Variants in RNF180 observed in about 807,000 individuals in gnomAD.
RNF180 encodes ring finger protein 180.
Under a neutral mutation model 59.2 loss-of-function variants are expected in RNF180, and 38 were observed. The observed-to-expected ratio is 0.64, with a 90% CI of 0.50 to 0.84. The LOEUF is 0.84. Among genes scored for constraint, RNF180 ranks in the 40% least tolerant of loss-of-function variants. RNF180 has a pLI of 0.00. For missense variants in RNF180, 705 were observed against 700.9 expected (o/e 1.01, Z -0.07); for synonymous variants, 262 against 240.3 (o/e 1.09, Z -0.84).
At chr5:64,269,107 A>T (rs1744857570) in intron 5 of RNF180, among the ~76,000 whole-genome samples, 1 of 152,168 alleles carries the variant, frequency 6.6e-6, no homozygotes, top group African/African-American at 2.4e-5. Flanking sequence ...CCTTTGAGGA[A>T]TGATTTCAAA....
At chr5:64,321,608 A>T (rs539725571) in intron 5 of RNF180, among the ~76,000 whole-genome samples, 1 of 152,280 alleles carries the variant, frequency 6.6e-6, no homozygotes, top group African/African-American at 2.4e-5. Context: ...TAATTTATAG[A>T]TTCAATGCTA....
intron 5 of RNF180, among the ~76,000 whole-genome samples, chr5:64,240,707 G>A (rs974011795): frequency 6.6e-6 from 1 of 152,064 alleles, no homozygotes; most frequent in Non-Finnish European, 1.5e-5. Context: ...CATCTTCCTA[G>A]CATACCAAAC....
At chr5:64,299,770 C>G (rs1051354225) in intron 5 of RNF180, among the ~76,000 whole-genome samples, 112 of 152,056 alleles carry the variant, frequency 7.4e-4, no homozygotes, top group African/African-American at 2.6e-3. Flanking sequence ...AGTAGTCCTC[C>G]TGTATCTGTG....
intron 5 of RNF180, among the ~76,000 whole-genome samples, chr5:64,218,342 T>A (rs1009387902): frequency 6.6e-6 from 1 of 152,206 alleles, no homozygotes; most frequent in Middle Eastern, 3.2e-3. Context: ...TACATAGAGA[T>A]CCTCAGTTGT....
At chr5:64,331,924 T>C (rs1029689856) in intron 7 of RNF180, among the ~76,000 whole-genome samples, 2 of 151,844 alleles carry the variant, frequency 1.3e-5, no homozygotes, top group Non-Finnish European at 1.5e-5. Context: ...CTGACTCGGG[T>C]GCCCACAGCA....
At chr5:64,355,574 C>G (rs540663126) in intron 7 of RNF180, among the ~76,000 whole-genome samples, 95 of 151,904 alleles carry the variant, frequency 6.3e-4, no homozygotes, top group African/African-American at 2.2e-3. Context: ...TCAAATTCAT[C>G]CAGAATTTTA....
At position 64,178,617 on chromosome 5, in the gene RNF180, C is replaced by T. The variant is rs551535878; in HGVS notation, c.-1+12664C>T. On this transcript the variant is annotated intron_variant, in intron 1 of 7. Transcript: ENST00000389100. The stretch of plus-strand genomic sequence containing the variant: ...ATCCAAGAACATTGTATGATTGATG[C>T]ATTGCATATGAAACGCAGCTACTGT... Among the ~76,000 whole-genome samples, 4 of 152,278 alleles carry T rather than the reference C, an allele frequency of 2.6e-5. No individual in the cohort carries two copies. The East Asian group carries it at 7.7e-4, about 29-fold the overall frequency.
chr5:64,228,821 T>C (rs1741929920), intron 5 of RNF180, among the ~76,000 whole-genome samples: 1 of 152,022 alleles, frequency 6.6e-6, no homozygotes, highest in Non-Finnish European at 1.5e-5. Flanking sequence ...AGTATTATTT[T>C]ACCTAAGAGG....
intron 6 of RNF180, among the ~76,000 whole-genome samples, chr5:64,329,032 G>C (rs1744777124): frequency 6.6e-6 from 1 of 152,128 alleles, no homozygotes; most frequent in South Asian, 2.1e-4. Flanking sequence ...ATGTTCTCCA[G>C]TTGGTCTGTG....
chr5:64,295,637 T>G (rs773061397), intron 5 of RNF180, among the ~76,000 whole-genome samples: 1 of 152,174 alleles, frequency 6.6e-6, no homozygotes, highest in Non-Finnish European at 1.5e-5. Context: ...CCTAATAAAG[T>G]AGTATCAGGT....
chr5:64,249,932 CAT>C (rs1252360848), intron 5 of RNF180, among the ~76,000 whole-genome samples: 2 of 151,732 alleles, frequency 1.3e-5, no homozygotes, highest in African/African-American at 4.8e-5. Flanking sequence ...AATAAGGAAA[CAT>C]AAAACTTAAA....
At chr5:64,252,972 G>A (rs897855657) in intron 5 of RNF180, among the ~76,000 whole-genome samples, 2 of 151,800 alleles carry the variant, frequency 1.3e-5, no homozygotes, top group Non-Finnish European at 2.9e-5. Context: ...TGTTTGCTCT[G>A]TACCTCCCCG....
intron 5 of RNF180, among the ~76,000 whole-genome samples, chr5:64,304,117 A>C (rs942292596): frequency 6.6e-6 from 1 of 151,340 alleles, no homozygotes; most frequent in African/African-American, 2.4e-5. Flanking sequence ...TAAGCCCACT[A>C]TTGAGATCTC....
chr5:64,288,176 T>C (rs994885789), intron 5 of RNF180, among the ~76,000 whole-genome samples: 4 of 152,206 alleles, frequency 2.6e-5, no homozygotes, highest in African/African-American at 9.6e-5. Flanking sequence ...CCCCATTGTT[T>C]GTTTTTGTCA....
At position 64,214,386 on chromosome 5, in the gene RNF180, C is replaced by T. The variant is rs754066264; in HGVS notation, c.1060C>T (p.Pro354Ser). 5 of 1,614,044 alleles carry T rather than the reference C, an allele frequency of 3.1e-6. No homozygotes were observed. The highest frequency in any genetic ancestry group is 3.4e-6 in the Non-Finnish European group (4 of 1,179,984). ...CTCAGACCAGGAAGAGCACCTCTCC[C>T]CTCTGGACTTCCTGCACTCAGCCAA... ...EASDQEEHLS[P>S]LDFLHSANFS... Residue 354 changes from proline (P) to serine (S), a missense_variant, in exon 4 of 8, where the codon CCT becomes TCT. By Grantham distance (74) the Pro-to-Ser change is moderately conservative. Transcript: ENST00000389100.
intron 7 of RNF180, among the ~76,000 whole-genome samples, chr5:64,339,035 A>AT (rs201958815): frequency 2.5e-3 from 369 of 150,530 alleles, no homozygotes; most frequent in Middle Eastern, 7.3e-3. Flanking sequence ...TTTGCTGAGA[A>AT]TTTTTTTTGT....
chr5:64,250,383 A>T (rs376753517), intron 5 of RNF180, among the ~76,000 whole-genome samples: 1 of 152,124 alleles, frequency 6.6e-6, no homozygotes, highest in Non-Finnish European at 1.5e-5. Context: ...GAACAAACTA[A>T]ACCCAAAGTT....
At chr5:64,190,746 T>C (rs559044825) in intron 1 of RNF180, among the ~76,000 whole-genome samples, 1 of 152,278 alleles carries the variant, frequency 6.6e-6, no homozygotes, top group African/African-American at 2.4e-5. Context: ...GAAGTACACA[T>C]GCACAGAGGA....
rs996494195 is a variant in RNF180 at position 64,344,390 on chromosome 5, CAT to C, written c.1579+13986_1579+13987del. 3.8e-4 allele frequency among the ~76,000 whole-genome samples: 58 copies of C among 152,148 alleles called. 1 individual carries two copies. Among genetic ancestry groups the C allele is most frequent in the Admixed American group, 3.2e-3 (49 of 15,286 alleles). On this transcript the variant is annotated intron_variant, in intron 7 of 7. Coordinates refer to ENST00000389100, the MANE Select transcript of RNF180 (RefSeq NM_001113561.2). ...TAAAAGAGGCAATTCCATAGGAAAA[CAT>C]AAAACCATAAATTTGTATGCAACTT...
Sources: gnomAD v4.1 joint callset for allele counts (sites outside exome capture counted in the v4.1 genomes callset) on GRCh38, gnomAD v4.1.1 for gene constraint, MANE v1.5 for transcripts, NCBI Gene and HGNC (gene_info 2026-07-23, HGNC 2026-07-21) for gene names.